The following FMN2 variants were observed in gnomAD, a reference collection of about 807,000 sequenced individuals.
The protein encoded by FMN2 is formin-2.
In FMN2, 51 loss-of-function variants were observed where a neutral mutation model predicts 142.3. The ratio of observed to expected loss-of-function variants is 0.36; its 90% CI spans 0.29 to 0.45. The LOEUF is 0.45. Among genes scored for constraint, FMN2 ranks in the 20% least tolerant of loss-of-function variants. FMN2 has a pLI of 1.00. For synonymous variants in FMN2, 882 were observed against 869.8 expected, an observed-to-expected ratio of 1.01 and a Z score of -0.25; for missense variants, 1,936 against 2,122.8, an observed-to-expected ratio of 0.91 and a Z score of 1.73.
At chr1:240,296,438 C>CTTTTTTTTTTTTTTTTTT (rs772711130) in intron 8 of FMN2, among the ~76,000 whole-genome samples, 11 of 46,912 alleles carry the variant, frequency 2.3e-4, no homozygotes, top group Admixed American at 3.2e-4. Flanking sequence ...TCTTTGAGTG[C>CTTTTTTTTTTTTTTTTTT]TTTTTTTTTT....
At chr1:240,305,175 T>C (rs969537983) in intron 8 of FMN2, among the ~76,000 whole-genome samples, 3 of 152,228 alleles carry the variant, frequency 2.0e-5, no homozygotes, top group African/African-American at 4.8e-5. Context: ...CATCTGTTGA[T>C]TGTATTTTCC....
At chr1:240,316,144 A>T (rs967048954) in intron 8 of FMN2, among the ~76,000 whole-genome samples, 3 of 152,210 alleles carry the variant, frequency 2.0e-5, no homozygotes, top group African/African-American at 7.2e-5. Flanking sequence ...TTTGGATGTA[A>T]TGTGGATGAC....
chr1:240,316,722 T>A (rs1373595156), intron 8 of FMN2, among the ~76,000 whole-genome samples: 1 of 152,166 alleles, frequency 6.6e-6, no homozygotes, highest in Admixed American at 6.5e-5. Context: ...TGGCTCATTT[T>A]GTTTTTTTTC....
intron 1 of FMN2, among the ~76,000 whole-genome samples, chr1:240,112,047 A>G (rs564363856): frequency 6.6e-6 from 1 of 152,280 alleles, no homozygotes; most frequent in Admixed American, 6.5e-5. Flanking sequence ...TATAATATGT[A>G]ATATGTGTGA....
intron 1 of FMN2, among the ~76,000 whole-genome samples, chr1:240,094,312 G>A (rs894851716): frequency 6.6e-6 from 1 of 152,170 alleles, no homozygotes; most frequent in Non-Finnish European, 1.5e-5. Context: ...ACTGCTGTTT[G>A]CTGCTGCAAG....
intron 7 of FMN2, among the ~76,000 whole-genome samples, chr1:240,275,228 A>C (rs112603406): frequency 2.0e-5 from 3 of 151,684 alleles, no homozygotes; most frequent in African/African-American, 7.3e-5. Context: ...TCCTAATGCT[A>C]TCCCTCCCCT....
At chr1:240,219,874 G>A (rs1667041836) in intron 6 of FMN2, among the ~76,000 whole-genome samples, 1 of 152,044 alleles carries the variant, frequency 6.6e-6, no homozygotes, top group Non-Finnish European at 1.5e-5. Context: ...GCCCATGCTG[G>A]TCTTGTACTC....
In FMN2 at chr1:240,092,987, C is replaced by G; in HGVS notation, c.878C>G (p.Pro293Arg). The G allele has an allele frequency of 7.1e-7, 1 of 1,402,520 alleles. No individual in the cohort carries two copies. The highest frequency in any genetic ancestry group is 9.2e-7 in the Non-Finnish European group (1 of 1,087,614). The allele number at this position is 1,402,520 out of a possible 1,614,324, so 86.9% of individuals were successfully genotyped here. ...GCCGAGCCCCGGGAGCCCCAGCAAC[C>G]GCCGTCCCCCGGCGGCCTCCCGGTC... ...LAAEPREPQQ[P>R]PSPGGLPVSE... Residue 293 changes from proline to arginine, a missense_variant, in exon 1 of 18, where the codon CCG (proline) becomes CGG (arginine). Pro to Arg is a moderately radical substitution (Grantham distance 103). This residue lies in a region of FMN2 where 751 missense variants were observed against 791.8 expected (regional missense o/e 0.95). Coordinates refer to ENST00000319653, the MANE Select transcript of FMN2 (RefSeq NM_020066.5).
At chr1:240,354,079 A>C (rs780866602) in intron 13 of FMN2, among the ~76,000 whole-genome samples, 1 of 152,154 alleles carries the variant, frequency 6.6e-6, no homozygotes, top group African/African-American at 2.4e-5. Context: ...TCCTGTATTC[A>C]GGGTGTAGCT....
chr1:240,179,392 C>T (rs1665058716), intron 3 of FMN2: 1 of 152,100 alleles, frequency 6.6e-6, no homozygotes, highest in Non-Finnish European at 1.5e-5. Context: ...GAAATGAGGG[C>T]CCACACTTGA....
At chr1:240,133,905 G>A (rs1662837629) in intron 2 of FMN2, among the ~76,000 whole-genome samples, 1 of 152,168 alleles carries the variant, frequency 6.6e-6, no homozygotes, top group Non-Finnish European at 1.5e-5. Context: ...GTGTCCTTGT[G>A]TTTACCTGAC....
chr1:240,455,999 T>C (rs9659528), intron 16 of FMN2, among the ~76,000 whole-genome samples: 6,537 of 148,786 alleles, frequency 0.044, 449 homozygotes, highest in African/African-American at 0.15. Flanking sequence ...ATAATAATAA[T>C]AATAAGTTGC....
At chr1:240,468,309 C>T (rs1220995964) in intron 16 of FMN2, among the ~76,000 whole-genome samples, 4 of 79,114 alleles carry the variant, frequency 5.1e-5, no homozygotes. Flanking sequence ...TGCACACACA[C>T]ATATATACAT....
chr1:240,139,614 A>T (rs1013798732), intron 2 of FMN2, among the ~76,000 whole-genome samples: 2 of 152,264 alleles, frequency 1.3e-5, no homozygotes, highest in African/African-American at 4.8e-5. Flanking sequence ...GTGTTAAGTG[A>T]TATTCAGTGT....
chr1:240,456,179 T>C lies in FMN2; in HGVS notation c.5061-16193T>C, dbSNP rs528340610. Among the ~76,000 whole-genome samples the C allele has an allele frequency of 4.5e-4, 69 of 152,250 alleles. 2 individuals carry two copies. In the South Asian group the frequency reaches 0.014, roughly 31 times the overall value. ...ATATACAGTTTTATTCCTAATTTTA[T>C]AGTCCAGACCCATAATCTCTTATCT... On this transcript the variant is annotated intron_variant, in intron 16 of 17. Coordinates refer to ENST00000319653, the MANE Select transcript of FMN2 (RefSeq NM_020066.5).
intron 16 of FMN2, among the ~76,000 whole-genome samples, chr1:240,451,226 C>G (rs548725945): frequency 1.3e-5 from 2 of 151,192 alleles, no homozygotes; most frequent in Non-Finnish European, 2.9e-5. Flanking sequence ...ATTAGCTGGG[C>G]GCGGTGGTGG....
chr1:240,172,799 T>C (rs1265277507), intron 2 of FMN2, among the ~76,000 whole-genome samples: 1 of 152,198 alleles, frequency 6.6e-6, no homozygotes, highest in Non-Finnish European at 1.5e-5. Flanking sequence ...TTCCTTTTGG[T>C]TCCTTGGTAA....
intron 2 of FMN2, among the ~76,000 whole-genome samples, chr1:240,173,679 C>A (rs571666045): frequency 6.6e-6 from 1 of 152,160 alleles, no homozygotes; most frequent in East Asian, 1.9e-4. Context: ...TCTGCAGACA[C>A]GGAGGAACCA....
At chr1:240,369,603 GT>G (rs1161067641) in intron 14 of FMN2, among the ~76,000 whole-genome samples, 2 of 152,098 alleles carry the variant, frequency 1.3e-5, no homozygotes, top group Non-Finnish European at 2.9e-5. Flanking sequence ...TATCAAGCCT[GT>G]TTTTTAGCAA....
Sources: gnomAD v4.1 joint callset for allele counts (sites outside exome capture counted in the v4.1 genomes callset) on GRCh38, gnomAD v4.1.1 for gene constraint, gnomAD v4.1.1 regional missense constraint, MANE v1.5 for transcripts, NCBI Gene and HGNC (gene_info 2026-07-23, HGNC 2026-07-21) for gene names.